The following KIF19 variants were observed in gnomAD, a reference collection of about 807,000 sequenced individuals.
The protein encoded by KIF19 is kinesin-like protein KIF19.
In KIF19, 98 loss-of-function variants were observed where a neutral mutation model predicts 106.6. The observed-to-expected ratio is 0.92, with a 90% CI of 0.78 to 1.09. The LOEUF is 1.09. Ranked by LOEUF, KIF19 falls within the 50% of genes least tolerant of loss-of-function variation. The pLI is 0.00. For missense variants in KIF19, 1,373 were observed against 1,414.3 expected (o/e 0.97, Z 0.47); for synonymous variants, 516 against 584.2 (o/e 0.88, Z 1.68).
chr17:74,342,977 T>TACCAA, intron 4 of KIF19, 47 bp from the exon 5 acceptor site: 26 of 1,527,764 alleles, frequency 1.7e-5, no homozygotes, highest in Middle Eastern at 2.1e-4. Context: ...CAGCAAGGCC[T>TACCAA]CCCTCCCAGC....
In KIF19 at chr17:74,347,842, C is replaced by T. The variant is rs752714927; in HGVS notation, c.990C>T (p.Phe330=). ...ACATCAGTCCTGCGAGCAGTGCCTT[C>T]GAGGAGTCCCGGAACACCCTGACCT... ...IAHISPASSA[F]EESRNTLTYA... The change falls in exon 9 of 20, where the codon TTC becomes TTT. Residue 330 remains phenylalanine, a synonymous_variant. Transcript: ENST00000389916. The T allele has an allele frequency of 1.5e-5, 24 of 1,585,854 alleles. No individual in the cohort carries two copies. Among genetic ancestry groups the T allele is most frequent in the Middle Eastern group, 1.7e-4 (1 of 6,046 alleles).
At position 74,341,931 on chromosome 17, in the gene KIF19, G is replaced by A. The variant is rs377150875; in HGVS notation, c.176G>A (p.Arg59His). The A allele has an allele frequency of 1.2e-5, 20 of 1,613,366 alleles. No homozygotes were observed. The highest frequency in any genetic ancestry group is 8.8e-5 in the South Asian group (8 of 91,034). Residue 59 changes from arginine to histidine, a missense_variant, in exon 3 of 20, where the codon CGC becomes CAC. Arg to His is a conservative substitution (Grantham distance 29). This residue lies in a region of KIF19 where 348 missense variants were observed against 389.5 expected (regional missense o/e 0.89). Coordinates refer to ENST00000389916, the MANE Select transcript of KIF19 (RefSeq NM_153209.4). ...CCCGACGACATCCTGCGGGCGCATC[G>A]CTCCCGGGAGAAGTCCTACCTGTTC... ...EDPDDILRAHRSREKSYLFDV... is the reference protein window; with the variant it reads ...EDPDDILRAHHSREKSYLFDV...
intron 2 of KIF19, among the ~76,000 whole-genome samples, chr17:74,334,924 A>G (rs1358925389): frequency 1.3e-5 from 2 of 152,188 alleles, no homozygotes; most frequent in African/African-American, 2.4e-5. Flanking sequence ...GGGTGTTGGT[A>G]TAATATGATT....
chr17:74,355,415 G>A lies in KIF19; in HGVS notation c.*103G>A. The A allele has an allele frequency of 7.2e-7, 1 of 1,394,496 alleles. No homozygotes were observed. Among genetic ancestry groups the A allele is most frequent in the Non-Finnish European group, 9.5e-7 (1 of 1,056,940 alleles). The allele number at this position is 1,394,496 out of a possible 1,614,324, so 86.4% of individuals were successfully genotyped here. A position where few individuals can be genotyped will look rare whatever the true frequency, so the allele number is the denominator to read the frequency against. On this transcript the variant is annotated 3_prime_UTR_variant, in exon 20 of 20. Coordinates refer to ENST00000389916, the MANE Select transcript of KIF19 (RefSeq NM_153209.4). ...GCAGATGGAGATGACCAGGAAGTAA[G>A]CTCAGGATCTCAGCAGGCCAGGGCT...
At chr17:74,328,305 T>G (rs1252845096) in intron 1 of KIF19, 120 bp from the exon 2 acceptor site, 9 of 827,998 alleles carry the variant, frequency 1.1e-5, no homozygotes, top group Non-Finnish European at 1.7e-5. Context: ...GAGTTTTACT[T>G]AGGACAAGGG....
chr17:74,345,267 G>A (rs1000298562), intron 7 of KIF19, among the ~76,000 whole-genome samples: 1 of 152,090 alleles, frequency 6.6e-6, no homozygotes, highest in African/African-American at 2.4e-5. Context: ...GGGGAAGGAG[G>A]ATGGGGGTTT....
chr17:74,326,585 C>T (rs1469332885), intron 1 of KIF19, among the ~76,000 whole-genome samples, 197 bp downstream of exon 1: 1 of 152,148 alleles, frequency 6.6e-6, no homozygotes, highest in Non-Finnish European at 1.5e-5. Flanking sequence ...TTTAGACTTT[C>T]CTGAGCCTGA....
rs767872496 is a variant in KIF19, at chr17:74,354,898, G to A, written c.2823G>A (p.Thr941=). Residue 941 remains threonine, a synonymous_variant, in exon 19 of 20, where the codon ACG becomes ACA. Transcript: ENST00000389916. Reference sequence around the variant, plus strand: ...GTATCCGGCATCTGGGAAAGGTCACGCTACCTTTGGCCAAAGTCAAACTCC... The same window carrying A: ...GTATCCGGCATCTGGGAAAGGTCACACTACCTTTGGCCAAAGTCAAACTCC... ...APGIRHLGKV[T]LPLAKVKLPP... 6 of 1,572,150 alleles carry A rather than the reference G, an allele frequency of 3.8e-6. No homozygotes were observed. Among genetic ancestry groups the A allele is most frequent in the East Asian group, 2.4e-5 (1 of 42,516 alleles).
rs2054471674 is a variant in KIF19 at position 74,344,401 on chromosome 17, G to A, written c.582+53G>A. 1.9e-6 allele frequency: 3 copies of A among 1,583,924 alleles called. No individual in the cohort carries two copies. The African/African-American group carries it at 4.0e-5, about 21-fold the overall frequency. On this transcript the variant is annotated intron_variant, in intron 6 of 19. Coordinates refer to ENST00000389916, the MANE Select transcript of KIF19 (RefSeq NM_153209.4). ...CGCTGAGAGGAAGCTCACCGCCTGA[G>A]GGGCAGGAGGGGCGGGGACAGAAGC...
chr17:74,346,372 C>A lies in KIF19; in HGVS notation c.778-6C>A. The A allele has an allele frequency of 6.4e-7, 1 of 1,570,196 alleles. No homozygotes were observed. On this transcript the variant is annotated splice_polypyrimidine_tract_variant and splice_region_variant and intron_variant, in intron 7 of 19. Coordinates refer to ENST00000389916, the MANE Select transcript of KIF19 (RefSeq NM_153209.4). The surrounding 1 kb of genome is among the most constrained non-coding windows in gnomAD (Gnocchi z 4.6). The stretch of plus-strand genomic sequence containing the variant: ...GCCACACGTGTGCCCTTTGCTCGCC[C>A]CCTAGACACAGAATCGTGGGCAGCG...
chr17:74,350,388 C>A lies in KIF19; in HGVS notation c.1214-13C>A. The A allele has an allele frequency of 6.3e-7, 1 of 1,576,992 alleles. No individual in the cohort carries two copies. On this transcript the variant is annotated splice_polypyrimidine_tract_variant and intron_variant, in intron 10 of 19. Coordinates refer to ENST00000389916, the MANE Select transcript of KIF19 (RefSeq NM_153209.4). ...CCGCCTCCTCTACCTTGCCCACCCT[C>A]ACCCATCGGCAGCTGAGGTCCAGCT...
chr17:74,350,248 A>G (rs561354735), intron 10 of KIF19, among the ~76,000 whole-genome samples, 153 bp from the exon 11 acceptor site: 2 of 152,266 alleles, frequency 1.3e-5, no homozygotes, highest in African/African-American at 2.4e-5. Context: ...GGGAGGATGT[A>G]GTAATCTAGG....
chr17:74,344,270 C>A lies in KIF19; in HGVS notation c.504C>A (p.Tyr168Ter). Residue 168 changes from tyrosine (Y) to a stop codon, truncating the protein, a stop_gained, in exon 6 of 20, where the codon TAC becomes TAA. Coordinates refer to ENST00000389916, the MANE Select transcript of KIF19 (RefSeq NM_153209.4). LOFTEE classifies it high-confidence loss of function. The stretch of plus-strand genomic sequence containing the variant: ...ACCTGCTGAACCCCTCCCTGGGCTA[C>A]CTGGAGCTGCGGGAGGACTCTAAGG... The part of the protein sequence containing the change: ...IRDLLNPSLG[Y>*]LELREDSKGV... The A allele has an allele frequency of 6.2e-7, 1 of 1,613,104 alleles. No homozygotes were observed. Among genetic ancestry groups the A allele is most frequent in the Non-Finnish European group, 8.5e-7 (1 of 1,179,788 alleles).
In KIF19 at chr17:74,346,312, T is replaced by G. The variant is rs886912322; in HGVS notation, c.778-66T>G. Reference sequence around the variant, plus strand: ...ATCACCAGGTCATTCATTGGTGGGGTGGCTGGGGAGAAACCCAGTCCCCTG... The same window carrying G: ...ATCACCAGGTCATTCATTGGTGGGGGGGCTGGGGAGAAACCCAGTCCCCTG... On this transcript the variant is annotated intron_variant, in intron 7 of 19. Transcript: ENST00000389916. This position sits in a 1 kb window ranked among gnomAD's most constrained non-coding sequence, Gnocchi z 4.6. 1 of 1,495,226 alleles carries G rather than the reference T, an allele frequency of 6.7e-7. No individual in the cohort carries two copies. Among genetic ancestry groups the G allele is most frequent in the Admixed American group, 2.1e-5 (1 of 48,014 alleles). The allele number at this position is 1,495,226 out of a possible 1,614,324, so 92.6% of individuals were successfully genotyped here.
Position 74,340,555 on chromosome 17 carries a change from G to GCACACACACACACACACACA in KIF19, c.121-1321_121-1320insCACACACACACACACACACA. ...CACGTGCCAGCAGGTATGCGCGCGC[G>GCACACACACACACACACACA]TACACACACACACACACACTGCTGC... On this transcript the variant is annotated intron_variant, in intron 2 of 19. Transcript: ENST00000389916. Among the ~76,000 whole-genome samples the GCACACACACACACACACACA allele has an allele frequency of 2.1e-3, 306 of 148,300 alleles. 3 individuals are homozygous for GCACACACACACACACACACA. Among genetic ancestry groups the GCACACACACACACACACACA allele is most frequent in the African/African-American group, 7.1e-3 (282 of 39,936 alleles).
chr17:74,348,548 C>T (rs2054600744), intron 9 of KIF19: 2 of 160,150 alleles, frequency 1.2e-5, no homozygotes, highest in Admixed American at 1.2e-4. Context: ...AACATTCTCC[C>T]AACACCTAAC....
At chr17:74,337,646 AG>A (rs140977926) in intron 2 of KIF19, among the ~76,000 whole-genome samples, 2,365 of 152,276 alleles carry the variant, frequency 0.016, 23 homozygotes, top group Middle Eastern at 0.02. Flanking sequence ...GTCTTCCTCT[AG>A]GAGTAGGATT....
intron 4 of KIF19, 112 bp from the exon 5 acceptor site, chr17:74,342,912 C>A: frequency 7.4e-7 from 1 of 1,342,698 alleles, no homozygotes; most frequent in Non-Finnish European, 1.0e-6. Flanking sequence ...ACCTCCCTGG[C>A]CCTCTGAGAG....
chr17:74,330,685 G>T (rs1263826518), intron 2 of KIF19, among the ~76,000 whole-genome samples: 1 of 152,236 alleles, frequency 6.6e-6, no homozygotes, highest in Non-Finnish European at 1.5e-5. Context: ...GGCAAACACT[G>T]GTTCCTTTCT....
Sources: gnomAD v4.1 joint callset for allele counts (sites outside exome capture counted in the v4.1 genomes callset) on GRCh38, gnomAD v4.1.1 for gene constraint, gnomAD v4.1.1 regional missense constraint, Gnocchi (gnomAD v3.1) non-coding constraint, MANE v1.5 for transcripts, NCBI Gene and HGNC (gene_info 2026-07-23, HGNC 2026-07-21) for gene names.